PUM1: variants seen among roughly 807,000 people sequenced by gnomAD.
PUM1 encodes the protein pumilio homolog 1.
In PUM1, 13 loss-of-function variants were observed where a neutral mutation model predicts 131.8. The observed-to-expected ratio is 0.10, with a 90% CI of 0.06 to 0.16. The LOEUF is 0.16. Ranked by LOEUF, PUM1 falls within the 10% of genes least tolerant of loss-of-function variation. The pLI, the probability that PUM1 is intolerant of heterozygous loss-of-function variation, is 1.00. For synonymous variants in PUM1, 509 were observed against 556.5 expected, an observed-to-expected ratio of 0.91 and a Z score of 1.20; for missense variants, 961 against 1,512.4, an observed-to-expected ratio of 0.64 and a Z score of 6.05.
intron 6 of PUM1, among the ~76,000 whole-genome samples, chr1:30,993,088 T>C (rs1355203985): frequency 3.9e-5 from 6 of 152,184 alleles, no homozygotes; most frequent in Non-Finnish European, 7.4e-5. Flanking sequence ...TCAGTGATTC[T>C]AAAAAGTTTT....
intron 3 of PUM1, among the ~76,000 whole-genome samples, chr1:31,018,209 T>G (rs1207999879): frequency 2.6e-5 from 4 of 151,734 alleles, no homozygotes; most frequent in African/African-American, 9.7e-5. Flanking sequence ...ATTAGCTGGG[T>G]GTAGTGGCAC....
chr1:31,048,326 ATC>A (rs1644019787), intron 2 of PUM1, among the ~76,000 whole-genome samples: 1 of 151,796 alleles, frequency 6.6e-6, no homozygotes, highest in Admixed American at 6.6e-5. Flanking sequence ...CTTCAACCAC[ATC>A]TATAACTGAA....
At chr1:30,941,969 C>A (rs779449450) in intron 19 of PUM1, 29 bp downstream of exon 19, 3 of 1,527,292 alleles carry the variant, frequency 2.0e-6, no homozygotes, top group African/African-American at 2.8e-5. Context: ...CACAGGTGTT[C>A]GCAGTTCCTC....
chr1:30,965,016 A>G (rs1640562988), intron 13 of PUM1, 106 bp from the exon 14 acceptor site: 1 of 861,590 alleles, frequency 1.2e-6, no homozygotes, highest in Admixed American at 2.2e-5. Flanking sequence ...ACCACCGCAA[A>G]TTTGTCAGCA....
chr1:31,015,926 G>A (rs928367615), intron 3 of PUM1, among the ~76,000 whole-genome samples: 13 of 152,142 alleles, frequency 8.5e-5, no homozygotes, highest in Admixed American at 3.3e-4. Context: ...ACCCGCCTCG[G>A]CCTCCCAACG....
intron 21 of PUM1, chr1:30,935,751 G>A (rs2124376200): frequency 2.3e-6 from 1 of 439,406 alleles, no homozygotes; most frequent in East Asian, 7.1e-5. Flanking sequence ...CTCAGTGAGG[G>A]CAAGTGGGTC....
intron 2 of PUM1, among the ~76,000 whole-genome samples, chr1:31,056,553 G>A (rs957327210): frequency 6.8e-6 from 1 of 146,300 alleles, no homozygotes; most frequent in South Asian, 2.3e-4. Context: ...AAAGTGTTGA[G>A]ATTGCAGGGG....
intron 2 of PUM1, among the ~76,000 whole-genome samples, chr1:31,058,477 A>G (rs188309533): frequency 9.9e-5 from 15 of 151,774 alleles, no homozygotes; most frequent in African/African-American, 2.4e-4. Context: ...TGGCTAACAC[A>G]GTGAAACCCC....
At chr1:30,946,982 T>C (rs1639703379) in intron 17 of PUM1, among the ~76,000 whole-genome samples, 1 of 152,206 alleles carries the variant, frequency 6.6e-6, no homozygotes, top group African/African-American at 2.4e-5. Flanking sequence ...CTGTAAAGTA[T>C]GACTAGTAAT....
chr1:30,945,641 G>A (rs1443912710), intron 17 of PUM1, among the ~76,000 whole-genome samples, 158 bp from the exon 18 acceptor site: 1 of 152,192 alleles, frequency 6.6e-6, no homozygotes, highest in African/African-American at 2.4e-5. Context: ...GGAAACAAAT[G>A]AGGACCTGAG....
chr1:30,950,270 A>G lies in PUM1; in HGVS notation c.2722-9T>C. ...TGTTCAAGACTGCCAAACTAGACAT[A>G]ATGTGTGGGTAAACACCATTACTTA... On this transcript the variant is annotated splice_polypyrimidine_tract_variant and intron_variant, in intron 16 of 21. Coordinates refer to ENST00000426105, the MANE Select transcript of PUM1 (RefSeq NM_001020658.2). 6.2e-7 allele frequency: 1 copy of G among 1,611,324 alleles called. No individual in the cohort carries two copies. The highest frequency in any genetic ancestry group is 8.5e-7 in the Non-Finnish European group (1 of 1,178,908).
intron 17 of PUM1, among the ~76,000 whole-genome samples, chr1:30,946,860 G>A (rs558744898): frequency 3.3e-5 from 5 of 151,918 alleles, no homozygotes; most frequent in East Asian, 1.9e-4. Flanking sequence ...AGTGAGCTAC[G>A]GTAACACCAC....
intron 5 of PUM1, among the ~76,000 whole-genome samples, chr1:30,999,075 A>G (rs1642090829): frequency 6.6e-6 from 1 of 152,122 alleles, no homozygotes; most frequent in African/African-American, 2.4e-5. Context: ...ATGATGACTC[A>G]CTGCAGCCTT....
At chr1:31,062,738 T>G (rs1644397868) in intron 1 of PUM1, among the ~76,000 whole-genome samples, 1 of 152,116 alleles carries the variant, frequency 6.6e-6, no homozygotes, top group African/African-American at 2.4e-5. Context: ...TACAAATGCT[T>G]TATCTCTTCT....
chr1:31,037,695 C>T (rs532100793), intron 2 of PUM1, among the ~76,000 whole-genome samples: 3 of 150,192 alleles, frequency 2.0e-5, no homozygotes, highest in South Asian at 2.1e-4. Flanking sequence ...CGACAAAGCA[C>T]GATTCAGTCT....
chr1:30,989,370 GA>G (rs1447462564), intron 7 of PUM1, among the ~76,000 whole-genome samples: 4 of 151,910 alleles, frequency 2.6e-5, no homozygotes, highest in Admixed American at 1.3e-4. Flanking sequence ...TCAGGAGTTC[GA>G]AACCAGCCTG....
At chr1:30,975,035 G>C (rs1164250498) in intron 9 of PUM1, among the ~76,000 whole-genome samples, 2 of 152,300 alleles carry the variant, frequency 1.3e-5, no homozygotes, top group South Asian at 2.1e-4. Flanking sequence ...AGTGGGGAAT[G>C]AAACATTAGA....
intron 9 of PUM1, among the ~76,000 whole-genome samples, chr1:30,975,620 G>A (rs1641106188): frequency 7.2e-6 from 1 of 138,852 alleles, no homozygotes; most frequent in Non-Finnish European, 1.5e-5. Flanking sequence ...CTCCCATATT[G>A]CTGGGACTTT....
rs1375873884 is a variant in PUM1, at chr1:31,065,677, G to T, written c.-73C>A. The T allele has an allele frequency of 6.5e-7, 1 of 1,549,436 alleles. No homozygotes were observed. The highest frequency in any genetic ancestry group is 2.4e-5 in the East Asian group (1 of 40,838). On this transcript the variant is annotated 5_prime_UTR_variant, in exon 1 of 22. Coordinates refer to ENST00000426105, the MANE Select transcript of PUM1 (RefSeq NM_001020658.2). ...CCGATCTTCTCTCTCTGGCGCTCTC[G>T]CTCCCCCTTACCTTTCACTCCGACA...
Sources: gnomAD v4.1 joint callset for allele counts (sites outside exome capture counted in the v4.1 genomes callset) on GRCh38, gnomAD v4.1.1 for gene constraint, MANE v1.5 for transcripts, NCBI Gene and HGNC (gene_info 2026-07-23, HGNC 2026-07-21) for gene names.